Variants in EXOC6B observed in about 807,000 individuals in gnomAD.
EXOC6B encodes SEC15 homolog B.
In EXOC6B, 54 loss-of-function variants were observed where a neutral mutation model predicts 113.5. That is an observed-to-expected ratio of 0.48 (90% CI 0.38 to 0.60). EXOC6B has a LOEUF of 0.60. Among genes scored for constraint, EXOC6B ranks in the 20% least tolerant of loss-of-function variants. EXOC6B has a pLI of 0.00. For missense variants in EXOC6B, 797 were observed against 977.5 expected (o/e 0.82, Z 2.46); for synonymous variants, 357 against 339.0 (o/e 1.05, Z -0.58).
chr2:72,527,220 T>C (rs1701785859), intron 8 of EXOC6B, among the ~76,000 whole-genome samples: 1 of 152,010 alleles, frequency 6.6e-6, no homozygotes, highest in African/African-American at 2.4e-5. Context: ...CATTTATTCA[T>C]TGAGTTGCAA....
At chr2:72,771,141 A>G (rs1274438996) in intron 1 of EXOC6B, among the ~76,000 whole-genome samples, 1 of 152,222 alleles carries the variant, frequency 6.6e-6, no homozygotes, top group Admixed American at 6.5e-5. Context: ...AGTGTCTTCA[A>G]CTGCTGAAAA....
At chr2:72,824,073 G>C (rs894614204) in intron 1 of EXOC6B, among the ~76,000 whole-genome samples, 1 of 151,750 alleles carries the variant, frequency 6.6e-6, no homozygotes, top group African/African-American at 2.4e-5. Flanking sequence ...GTCCAAAAAA[G>C]GGAGCTAAAA....
chr2:72,357,971 C>T (rs1690070695), intron 19 of EXOC6B, among the ~76,000 whole-genome samples: 2 of 152,030 alleles, frequency 1.3e-5, no homozygotes, highest in Admixed American at 1.3e-4. Flanking sequence ...TTCTCAGAAC[C>T]CATTCATGTC....
intron 18 of EXOC6B, among the ~76,000 whole-genome samples, chr2:72,407,846 T>C (rs1292380040): frequency 6.6e-6 from 1 of 152,176 alleles, no homozygotes; most frequent in African/African-American, 2.4e-5. Context: ...TTCAACATAG[T>C]GTTGGAAGTT....
intron 6 of EXOC6B, 70 bp downstream of exon 6, chr2:72,718,033 A>G (rs1191742100): frequency 8.4e-7 from 1 of 1,194,616 alleles, no homozygotes; most frequent in Admixed American, 2.4e-5. Flanking sequence ...GACACTTGGC[A>G]AAGAGAAACC....
At chr2:72,674,692 G>A (rs534570047) in intron 6 of EXOC6B, among the ~76,000 whole-genome samples, 118 of 152,090 alleles carry the variant, frequency 7.8e-4, no homozygotes, top group African/African-American at 2.4e-3. Context: ...TTAGCCGGGC[G>A]TGGTGGCAGG....
intron 1 of EXOC6B, among the ~76,000 whole-genome samples, chr2:72,771,939 G>T (rs1463653847): frequency 6.6e-6 from 1 of 152,150 alleles, no homozygotes; most frequent in Admixed American, 6.6e-5. Context: ...CAGCAAGATG[G>T]CAGAATAGGA....
chr2:72,203,451 C>T (rs1679620264), intron 20 of EXOC6B, among the ~76,000 whole-genome samples: 1 of 152,164 alleles, frequency 6.6e-6, no homozygotes, highest in Admixed American at 6.5e-5. Context: ...AAGGGAATTT[C>T]TATTTGCTGG....
At chr2:72,714,828 A>G (rs1679505156) in intron 6 of EXOC6B, among the ~76,000 whole-genome samples, 1 of 152,196 alleles carries the variant, frequency 6.6e-6, no homozygotes. Flanking sequence ...GAGAAGAAAA[A>G]TAAAATAATT....
chr2:72,403,783 C>T (rs192267717), intron 18 of EXOC6B, among the ~76,000 whole-genome samples: 30 of 152,242 alleles, frequency 2.0e-4, no homozygotes, highest in African/African-American at 5.3e-4. Context: ...CCAGCGTGAG[C>T]GACGCATAAG....
At chr2:72,504,346 A>G (rs1558740156) in intron 11 of EXOC6B, among the ~76,000 whole-genome samples, 1 of 152,186 alleles carries the variant, frequency 6.6e-6, no homozygotes, top group African/African-American at 2.4e-5. Flanking sequence ...GTATCCACCT[A>G]AATACTGAGA....
At chr2:72,500,526 C>T (rs1201825910) in intron 11 of EXOC6B, among the ~76,000 whole-genome samples, 1 of 151,098 alleles carries the variant, frequency 6.6e-6, no homozygotes. Flanking sequence ...AAACCAAAGA[C>T]CAAGTTAAAA....
At chr2:72,499,797 G>C (rs908114824) in intron 12 of EXOC6B, 104 bp downstream of exon 12, 1 of 729,960 alleles carries the variant, frequency 1.4e-6, no homozygotes, top group African/African-American at 1.8e-5. Context: ...GGCTTCCAAA[G>C]AACTATGATT....
intron 18 of EXOC6B, among the ~76,000 whole-genome samples, chr2:72,454,292 C>G (rs540949246): frequency 4.6e-5 from 7 of 152,116 alleles, no homozygotes; most frequent in African/African-American, 1.7e-4. Context: ...TCACTTGAGC[C>G]CAGAAGTTCA....
rs144417298 is a variant in EXOC6B at position 72,482,362 on chromosome 2, C to A, written c.1666-1612G>T. ...TAGAATGGACCTTTTTTTTGTCTTT[C>A]TTTTCTACATCTTTACTTTCCATTT... On this transcript the variant is annotated intron_variant, in intron 16 of 21. Transcript: ENST00000272427. Among the ~76,000 whole-genome samples, 112 of 151,496 alleles carry A rather than the reference C, an allele frequency of 7.4e-4. 1 individual carries two copies. In the East Asian group the frequency reaches 0.021, roughly 28 times the overall value.
At chr2:72,646,700 C>T (rs1053017607) in intron 6 of EXOC6B, among the ~76,000 whole-genome samples, 4 of 152,086 alleles carry the variant, frequency 2.6e-5, no homozygotes, top group African/African-American at 9.7e-5. Flanking sequence ...TGACAAAAAC[C>T]ACATGATTAT....
chr2:72,762,601 G>A (rs1255840744), intron 1 of EXOC6B, among the ~76,000 whole-genome samples: 2 of 151,622 alleles, frequency 1.3e-5, no homozygotes, highest in Non-Finnish European at 2.9e-5. Flanking sequence ...AATCAACAAA[G>A]CAAAACCTTA....
intron 18 of EXOC6B, among the ~76,000 whole-genome samples, chr2:72,408,738 T>C (rs916112835): frequency 3.3e-5 from 5 of 152,280 alleles, no homozygotes; most frequent in East Asian, 1.9e-4. Flanking sequence ...AAGACTTAAA[T>C]GTTAGACCTA....
chr2:72,763,620 C>A (rs1326321484), intron 1 of EXOC6B, among the ~76,000 whole-genome samples: 2 of 151,790 alleles, frequency 1.3e-5, no homozygotes, highest in Non-Finnish European at 2.9e-5. Flanking sequence ...GATGGGTTTT[C>A]ACCATGTTGG....
Sources: allele counts gnomAD v4.1 joint callset (sites outside exome capture counted in the v4.1 genomes callset), GRCh38; gene constraint gnomAD v4.1.1; transcripts MANE v1.5; gene names NCBI Gene and HGNC (gene_info 2026-07-23, HGNC 2026-07-21).